RGPD5: variants seen among roughly 807,000 people sequenced by gnomAD.
RGPD5 encodes RANBP2 like and GRIP domain containing 5.
the RGPD5 span, among the ~76,000 whole-genome samples, chr2:109,760,636 G>A: frequency 7.0e-6 from 1 of 143,740 alleles, no homozygotes; most frequent in Admixed American, 7.1e-5. Context: ...ACCTTGAGCG[G>A]CGCCTTTCGT....
chr2:109,764,285 A>G, the RGPD5 span, among the ~76,000 whole-genome samples: 9 of 147,728 alleles, frequency 6.1e-5, 1 homozygote, highest in African/African-American at 1.2e-4. Flanking sequence ...TTACAGGGGC[A>G]GCAGATATGC....
At chr2:109,778,379 G>A in the RGPD5 span, among the ~76,000 whole-genome samples, 1 of 147,910 alleles carries the variant, frequency 6.8e-6, no homozygotes, top group Non-Finnish European at 1.5e-5. Context: ...AATGATTCAA[G>A]CTATTAAGTC....
At chr2:109,763,000 G>A in the RGPD5 span, among the ~76,000 whole-genome samples, 28 of 146,742 alleles carry the variant, frequency 1.9e-4, no homozygotes, top group African/African-American at 6.3e-4. Context: ...TTAAGTTTAT[G>A]GTTACTTTTA....
chr2:109,762,444 T>C, the RGPD5 span, among the ~76,000 whole-genome samples: 1 of 149,536 alleles, frequency 6.7e-6, no homozygotes, highest in Non-Finnish European at 1.5e-5. Context: ...GAACTTACTG[T>C]TTCGGTATAT....
At chr2:109,799,247 A>G (rs1676932320) in intron 1 of RGPD5, among the ~76,000 whole-genome samples, 1 of 138,328 alleles carries the variant, frequency 7.2e-6, no homozygotes, top group Non-Finnish European at 1.5e-5. Flanking sequence ...CAAAAAAAAA[A>G]AAAAAAAAGG....
At chr2:109,765,888 GA>G in the RGPD5 span, among the ~76,000 whole-genome samples, 20 of 150,796 alleles carry the variant, frequency 1.3e-4, no homozygotes, top group African/African-American at 4.6e-4. Context: ...CATGGTGCCA[GA>G]AAATGCTACA....
chr2:109,778,301 G>A, the RGPD5 span, among the ~76,000 whole-genome samples: 2 of 137,284 alleles, frequency 1.5e-5, no homozygotes, highest in Non-Finnish European at 3.1e-5. Flanking sequence ...TTTGTAAAAT[G>A]CAGATAATGT....
At chr2:109,766,259 C>T in the RGPD5 span, among the ~76,000 whole-genome samples, 5 of 151,170 alleles carry the variant, frequency 3.3e-5, no homozygotes, top group African/African-American at 1.2e-4. Flanking sequence ...GGGGAAGGGG[C>T]TGCTCATCAG....
the RGPD5 span, among the ~76,000 whole-genome samples, chr2:109,765,779 G>A: frequency 1.3e-5 from 2 of 151,182 alleles, no homozygotes; most frequent in South Asian, 2.1e-4. Context: ...ATGCTGCCCA[G>A]TAGTGCCCGC....
the RGPD5 span, among the ~76,000 whole-genome samples, chr2:109,771,525 T>C: frequency 2.5e-4 from 19 of 75,430 alleles, 3 homozygotes; most frequent in Non-Finnish European, 7.0e-5. Context: ...GTTCCTTTCA[T>C]TGAAGGTAGT....
chr2:109,762,434 G>C, the RGPD5 span, among the ~76,000 whole-genome samples: 1 of 149,806 alleles, frequency 6.7e-6, no homozygotes, highest in Non-Finnish European at 1.5e-5. Context: ...TCAAAAGGAA[G>C]AACTTACTGT....
the RGPD5 span, among the ~76,000 whole-genome samples, chr2:109,778,741 GT>G: frequency 7.2e-6 from 1 of 138,120 alleles, no homozygotes; most frequent in Non-Finnish European, 1.6e-5. Context: ...CCAGGCTGGA[GT>G]TTAGTGGTGT....
chr2:109,765,690 T>G, the RGPD5 span, among the ~76,000 whole-genome samples: 1 of 150,360 alleles, frequency 6.7e-6, no homozygotes. Context: ...GGGAATAAAG[T>G]GTGGATCTTG....
chr2:109,763,800 C>G, the RGPD5 span, among the ~76,000 whole-genome samples: 3 of 149,792 alleles, frequency 2.0e-5, no homozygotes, highest in Non-Finnish European at 3.0e-5. Flanking sequence ...AGAACTTTTT[C>G]TAATTGATGG....
chr2:109,764,317 C>T, the RGPD5 span, among the ~76,000 whole-genome samples: 8 of 146,614 alleles, frequency 5.5e-5, no homozygotes, highest in African/African-American at 2.0e-4. Context: ...GCTGCCCCCT[C>T]CACTCCCTGG....
chr2:109,799,339 T>G (rs1676939027), intron 1 of RGPD5, among the ~76,000 whole-genome samples: 1 of 59,600 alleles, frequency 1.7e-5, no homozygotes, highest in Non-Finnish European at 2.9e-5. Flanking sequence ...TAGTTCTTTT[T>G]TTTTTTTGAG....
the RGPD5 span, among the ~76,000 whole-genome samples, chr2:109,760,980 G>C: frequency 8.3e-5 from 11 of 132,522 alleles, no homozygotes; most frequent in South Asian, 2.3e-3. Flanking sequence ...TCTCCTGTTC[G>C]CCTCCCTCGC....
the RGPD5 span, among the ~76,000 whole-genome samples, chr2:109,771,631 T>C: frequency 1.4e-4 from 3 of 20,906 alleles, no homozygotes; most frequent in Non-Finnish European, 2.2e-4. Flanking sequence ...AATCTTTGAA[T>C]ATGAACGGAA....
At chr2:109,794,580 C>CGGGGAGGGGGAGG (rs1676850399) in intron 1 of RGPD5, 43 bp downstream of exon 1, 1 of 899,500 alleles carries the variant, frequency 1.1e-6, no homozygotes, top group South Asian at 5.3e-5. Flanking sequence ...TCGACCCGGC[C>CGGGGAGGGGGAGG]GGGGGGCGGC....
Sources: allele counts gnomAD v4.1 joint callset (sites outside exome capture counted in the v4.1 genomes callset), GRCh38; gene constraint gnomAD v4.1.1; transcripts MANE v1.5; gene names NCBI Gene and HGNC (gene_info 2026-07-23, HGNC 2026-07-21).